PRIM2: variants seen among roughly 807,000 people sequenced by gnomAD.
The protein encoded by PRIM2 is DNA primase large subunit.
PRIM2 carries 39 observed loss-of-function variants against 67.3 expected under a neutral mutation model. The ratio of observed to expected loss-of-function variants is 0.58; its 90% confidence interval spans 0.45 to 0.76. The LOEUF (loss-of-function observed/expected upper bound fraction) is 0.76, where lower values mean the gene tolerates loss of function less well. PRIM2 is among the 30% of genes least tolerant of loss of function. The pLI, the probability that PRIM2 is intolerant of heterozygous loss-of-function variation, is 0.00. For missense variants in PRIM2, 398 were observed against 598.7 expected, an observed-to-expected ratio of 0.66 and a Z score of 3.50; for synonymous variants, 143 against 198.7, an observed-to-expected ratio of 0.72 and a Z score of 2.36.
intron 5 of PRIM2, among the ~76,000 whole-genome samples, chr6:57,353,365 C>T (rs1433592930): frequency 6.6e-6 from 1 of 152,168 alleles, no homozygotes; most frequent in Non-Finnish European, 1.5e-5. Flanking sequence ...GTAATAGGAT[C>T]TGCATACAAA....
chr6:57,337,820 AT>A (rs1768313568), intron 5 of PRIM2, among the ~76,000 whole-genome samples: 1 of 152,216 alleles, frequency 6.6e-6, no homozygotes, highest in Non-Finnish European at 1.5e-5. Context: ...GAACAGACAA[AT>A]TTAAAAGGTA....
the PRIM2 span, among the ~76,000 whole-genome samples, chr6:57,300,575 A>C: frequency 6.6e-6 from 1 of 152,114 alleles, no homozygotes; most frequent in East Asian, 1.9e-4. Context: ...CAATCTTCCC[A>C]TAGGTAAGAA....
the PRIM2 span, chr6:57,221,626 TG>T: frequency 6.6e-6 from 1 of 152,400 alleles, no homozygotes; most frequent in Non-Finnish European, 1.5e-5. Flanking sequence ...AGTCGGGACT[TG>T]GGGCAGGCAA....
chr6:57,318,461 A>G lies in PRIM2; in HGVS notation c.16A>G (p.Arg6Gly). ...GGTGACCAAGATGGAGTTTTCTGGA[A>G]GAAAGTGGAGGAAGCTGAGGTTGGC... MEFSG[R>G]KWRKLRLAGD... The change falls in exon 2 of 14, where the codon AGA becomes GGA. Residue 6 changes from arginine to glycine, a missense_variant. Physicochemically the swap from Arg to Gly is moderately radical, Grantham distance 125 (BLOSUM62 -2). Transcript: ENST00000615550. The G allele has an allele frequency of 6.2e-7, 1 of 1,611,774 alleles. No individual in the cohort carries two copies. The highest frequency in any genetic ancestry group is 8.5e-7 in the Non-Finnish European group (1 of 1,178,992).
chr6:57,279,104 A>C, the PRIM2 span, among the ~76,000 whole-genome samples: 1 of 152,210 alleles, frequency 6.6e-6, no homozygotes. Context: ...GGGTGAAATT[A>C]CGGTCTGTGA....
chr6:57,587,239 G>C (rs1776205179), intron 10 of PRIM2: 12 of 152,208 alleles, frequency 7.9e-5, no homozygotes, highest in Non-Finnish European at 1.5e-5. Flanking sequence ...GGAATTTTAA[G>C]TCCATCATAT....
At chr6:57,223,541 T>C in the PRIM2 span, among the ~76,000 whole-genome samples, 19 of 152,242 alleles carry the variant, frequency 1.2e-4, no homozygotes, top group Admixed American at 1.2e-3. Flanking sequence ...AGAAATTTAA[T>C]ATCAAGTAGC....
upstream of PRIM2, chr6:57,314,689 C>T (rs1767447171): frequency 6.6e-6 from 1 of 152,184 alleles, no homozygotes; most frequent in South Asian, 2.1e-4. Flanking sequence ...TGTATGTTTT[C>T]CTTCCCATGA....
At chr6:57,442,820 A>T (rs1772241091) in intron 7 of PRIM2, among the ~76,000 whole-genome samples, 4 of 152,124 alleles carry the variant, frequency 2.6e-5, no homozygotes, top group Non-Finnish European at 1.5e-5. Flanking sequence ...CAAGTTTTGA[A>T]ATGTGCAATA....
intron 10 of PRIM2, among the ~76,000 whole-genome samples, chr6:57,578,928 G>A (rs1310927548): frequency 6.6e-6 from 1 of 151,310 alleles, no homozygotes; most frequent in Non-Finnish European, 1.5e-5. Context: ...CGCCCGCCTC[G>A]GCCTCCCAAA....
intron 7 of PRIM2, among the ~76,000 whole-genome samples, chr6:57,480,498 A>G (rs1210065151): frequency 6.6e-6 from 1 of 152,170 alleles, no homozygotes; most frequent in Non-Finnish European, 1.5e-5. Flanking sequence ...GTATGTGAGT[A>G]TGGAATTTTA....
chr6:57,390,907 C>T (rs6459212), intron 7 of PRIM2, among the ~76,000 whole-genome samples: 11,584 of 152,078 alleles, frequency 0.076, 1,398 homozygotes, highest in African/African-American at 0.26. Context: ...TACCCAGTAA[C>T]GGGATTGCAA....
chr6:57,552,565 G>A (rs1428042129), intron 10 of PRIM2, among the ~76,000 whole-genome samples: 1 of 152,168 alleles, frequency 6.6e-6, no homozygotes, highest in Non-Finnish European at 1.5e-5. Flanking sequence ...ACTCCAGAGG[G>A]AAATGAATGA....
At chr6:57,492,222 A>G (rs1773909837) in intron 7 of PRIM2, among the ~76,000 whole-genome samples, 1 of 152,164 alleles carries the variant, frequency 6.6e-6, no homozygotes, top group African/African-American at 2.4e-5. Flanking sequence ...TGTACCGGAC[A>G]GAAGTCTGTC....
intron 7 of PRIM2, among the ~76,000 whole-genome samples, chr6:57,391,302 T>C (rs1243156643): frequency 6.8e-6 from 1 of 148,112 alleles, no homozygotes; most frequent in Admixed American, 6.8e-5. Flanking sequence ...ATGCATAGTT[T>C]GCAAGTATTT....
rs1195197399 is a variant in PRIM2, at chr6:57,531,893, C to T, written c.762-518C>T. 2.2e-4 allele frequency among the ~76,000 whole-genome samples: 34 copies of T among 152,176 alleles called. No homozygotes were observed. The East Asian group carries it at 6.4e-3, about 29-fold the overall frequency. On this transcript the variant is annotated intron_variant, in intron 8 of 13. Coordinates refer to ENST00000615550, the MANE Select transcript of PRIM2 (RefSeq NM_000947.5). ...TTCAGATATTATTTATTTTAATAAA[C>T]AGTGATTGCTTTATGTCAGGCTCTT... is the stretch of plus-strand genomic sequence containing the variant.
At chr6:57,389,313 C>T (rs887545) in intron 7 of PRIM2, among the ~76,000 whole-genome samples, 3,422 of 152,112 alleles carry the variant, frequency 0.022, 113 homozygotes, top group South Asian at 0.071. Context: ...GGGGATATCC[C>T]TATGTTGCCT....
At position 57,554,420 on chromosome 6, in the gene PRIM2, C is replaced by A. The variant is rs1775468039; in HGVS notation, c.1020+16795C>A. 7.5e-5 allele frequency among the ~76,000 whole-genome samples: 11 copies of A among 146,458 alleles called. No homozygotes were observed. The Admixed American group carries it at 7.6e-4, about 10-fold the overall frequency. On this transcript the variant is annotated intron_variant, in intron 10 of 13. Transcript: ENST00000615550. ...AGAATTCTGAATAATTAAGGGGCAA[C>A]TAGTTGGAATTAATTTTAGTACACT...
chr6:57,459,589 T>G (rs1772928526), intron 7 of PRIM2, among the ~76,000 whole-genome samples: 1 of 152,172 alleles, frequency 6.6e-6, no homozygotes, highest in South Asian at 2.1e-4. Flanking sequence ...GGCTGAAGTC[T>G]GTAGGGCTGC....
Sources: allele counts gnomAD v4.1 joint callset (sites outside exome capture counted in the v4.1 genomes callset), GRCh38; gene constraint gnomAD v4.1.1; transcripts MANE v1.5; gene names NCBI Gene and HGNC (gene_info 2026-07-23, HGNC 2026-07-21).